CORO1A: variants seen among roughly 807,000 people sequenced by gnomAD.
CORO1A encodes coronin-1A.
In CORO1A, 17 loss-of-function variants were observed where a neutral mutation model predicts 44.1. The observed-to-expected ratio is 0.39, with a 90% CI of 0.26 to 0.58. CORO1A has a LOEUF of 0.58. CORO1A is among the 20% of genes least tolerant of loss of function. The pLI, the probability that CORO1A is intolerant of heterozygous loss-of-function variation, is 0.62. For synonymous variants in CORO1A, 271 were observed against 244.2 expected, an observed-to-expected ratio of 1.11 and a Z score of -1.02; for missense variants, 415 against 606.5, an observed-to-expected ratio of 0.68 and a Z score of 3.32.
At chr16:30,186,480 T>G in intron 2 of CORO1A, 118 bp from the exon 3 acceptor site, 2 of 1,015,230 alleles carry the variant, frequency 2.0e-6, no homozygotes, top group Non-Finnish European at 3.1e-6. Context: ...CCCCAGGCCC[T>G]GGTCCAGCTC....
chr16:30,187,744 TGTCCCTGCA>T lies in CORO1A; in HGVS notation c.778_786del (p.Ser260_Gln262del). 1 of 1,612,172 alleles carries T rather than the reference TGTCCCTGCA, an allele frequency of 6.2e-7. No homozygotes were observed. The highest frequency in any genetic ancestry group is 1.3e-5 in the African/African-American group (1 of 74,866). ...CTACAGAAGCACCTGGAGGAGCCGC[TGTCCCTGCA>T]GGAGCTGGACACCAGCAGCGGTGTC... is the stretch of plus-strand genomic sequence containing the variant. On this transcript the variant is annotated inframe_deletion, in exon 7 of 11. Transcript: ENST00000219150.
At position 30,186,830 on chromosome 16, in the gene CORO1A, A is replaced by T. The variant is rs1132812; in HGVS notation, c.336A>T (p.Pro112=). The change falls in exon 4 of 11, where the codon CCA becomes CCT. Residue 112 remains proline (P), a synonymous_variant. Transcript: ENST00000219150. The stretch of plus-strand genomic sequence containing the variant: ...CTCCTCTGCAGGTGTGGGAGATCCC[A>T]GATGGGGGCCTGATGCTGCCCCTGC... ...EDCTVMVWEI[P]DGGLMLPLRE... is the part of the protein sequence containing the mutation. 6.2e-7 allele frequency: 1 copy of T among 1,610,610 alleles called. No individual in the cohort carries two copies. Among genetic ancestry groups the T allele is most frequent in the East Asian group, 2.2e-5 (1 of 44,850 alleles).
In CORO1A at chr16:30,187,997, A is replaced by G. The variant is rs761372261; in HGVS notation, c.917A>G (p.Tyr306Cys). The G allele has an allele frequency of 1.2e-6, 2 of 1,613,968 alleles. No homozygotes were observed. Among genetic ancestry groups the G allele is most frequent in the Non-Finnish European group, 1.7e-6 (2 of 1,179,960 alleles). ...ACTTCCGAGGCCCCTTTCCTGCACT[A>G]TCTCTCCATGTTCAGTTCCAAGGAG... is the stretch of plus-strand genomic sequence containing the variant. ...EITSEAPFLH[Y>C]LSMFSSKESQ... Residue 306 changes from tyrosine (Y) to cysteine (C), a missense_variant, in exon 8 of 11, where the codon TAT (tyrosine) becomes TGT (cysteine). This residue lies in a region of CORO1A where 325 missense variants were observed against 521.7 expected (regional missense o/e 0.62). Transcript: ENST00000219150.
intron 8 of CORO1A, 35 bp from the exon 9 acceptor site, chr16:30,188,157 G>A: frequency 2.5e-6 from 4 of 1,613,732 alleles, no homozygotes; most frequent in Non-Finnish European, 2.5e-6. Context: ...CACCCAACCA[G>A]ACTGTGGGCC....
Position 30,187,600 on chromosome 16 carries a change from C to A in CORO1A, c.756+99C>A, listed in dbSNP as rs748364715. The A allele has an allele frequency of 9.3e-6, 14 of 1,513,152 alleles. No homozygotes were observed. In the African/African-American group the frequency reaches 1.2e-4, roughly 13 times the overall value. The allele number at this position is 1,513,152 out of a possible 1,614,324, so 93.7% of individuals were successfully genotyped here. A position where few individuals can be genotyped will look rare whatever the true frequency, so the allele number is the denominator to read the frequency against. On this transcript the variant is annotated intron_variant, in intron 6 of 10. Coordinates refer to ENST00000219150, the MANE Select transcript of CORO1A (RefSeq NM_007074.4). ...ACTCACCTGGCAGGATGGCCATGGG[C>A]CTCAGTTTACCCAGGCGTGAGATGG...
rs201734831 is a variant in CORO1A at position 30,188,441 on chromosome 16, T to C, written c.1146T>C (p.Gly382=). ...PALTAEEWLG[G]RDAGPLLISL... ...TCACGGCTGAGGAGTGGCTGGGGGG[T>C]CGGGATGCTGGGCCCCTCCTCATCT... The change falls in exon 10 of 11, where the codon GGT becomes GGC. Residue 382 remains glycine (G), a synonymous_variant. Coordinates refer to ENST00000219150, the MANE Select transcript of CORO1A (RefSeq NM_007074.4). 2,204 of 1,612,516 alleles carry C rather than the reference T, an allele frequency of 1.4e-3. 27 individuals are homozygous for C. In the South Asian group the frequency reaches 0.017, roughly 13 times the overall value.
At chr16:30,187,652 C>T in intron 6 of CORO1A, 73 bp from the exon 7 acceptor site, 1 of 1,466,276 alleles carries the variant, frequency 6.8e-7, no homozygotes, top group Non-Finnish European at 9.5e-7. Flanking sequence ...GTCGGGAGGG[C>T]CCTCACAGGT....
At position 30,186,895 on chromosome 16, in the gene CORO1A, T is replaced by C; in HGVS notation, c.401T>C (p.Val134Ala). 6.2e-7 allele frequency: 1 copy of C among 1,612,590 alleles called. No individual in the cohort carries two copies. The change falls in exon 4 of 11, where the codon GTG becomes GCG. Residue 134 changes from valine (V) to alanine (A), a missense_variant. Around this residue, in one of 2 missense-constraint regions of CORO1A, gnomAD observed 325 missense variants for 521.7 expected, o/e 0.62. Coordinates refer to ENST00000219150, the MANE Select transcript of CORO1A (RefSeq NM_007074.4). ...ACCCTGGAGGGCCACACCAAGCGTGTGGGCATTGTGGCCTGGCACACCACA... is the reference window on the plus strand; with the variant it reads ...ACCCTGGAGGGCCACACCAAGCGTGCGGGCATTGTGGCCTGGCACACCACA... ...VVTLEGHTKR[V>A]GIVAWHTTAQ...
intron 2 of CORO1A, 172 bp from the exon 3 acceptor site, chr16:30,186,426 T>G: frequency 3.7e-5 from 27 of 738,464 alleles, no homozygotes; most frequent in Middle Eastern, 3.8e-4. Context: ...GCCCAGGCCA[T>G]TTTGGGACTG....
At position 30,186,861 on chromosome 16, in the gene CORO1A, C is replaced by T. The variant is rs201721540; in HGVS notation, c.367C>T (p.Pro123Ser). 26 of 1,611,738 alleles carry T rather than the reference C, an allele frequency of 1.6e-5. 1 individual carries two copies. Among genetic ancestry groups the T allele is most frequent in the Non-Finnish European group, 2.2e-5 (26 of 1,180,000 alleles). ...GGGCCTGATGCTGCCCCTGCGGGAG[C>T]CCGTCGTCACCCTGGAGGGCCACAC... ...DGGLMLPLRE[P>S]VVTLEGHTKR... Residue 123 changes from proline (P) to serine (S), a missense_variant, in exon 4 of 11, where the codon CCC becomes TCC. Physicochemically the swap from Pro to Ser is moderately conservative, Grantham distance 74. Around this residue, in one of 2 missense-constraint regions of CORO1A, gnomAD observed 325 missense variants for 521.7 expected, o/e 0.62. Transcript: ENST00000219150.
intron 2 of CORO1A, 140 bp from the exon 3 acceptor site, chr16:30,186,458 C>T (rs1157139537): frequency 9.8e-7 from 1 of 1,019,612 alleles, no homozygotes; most frequent in Non-Finnish European, 1.5e-6. Flanking sequence ...GAACAACCCG[C>T]CCCCGTCCCC....
chr16:30,188,054 G>C lies in CORO1A; in HGVS notation c.974G>C (p.Arg325Pro). ...SQRGMGYMPKRGLEVNKCEIA... is the reference protein window; with the variant it reads ...SQRGMGYMPKPGLEVNKCEIA... ...CGGGGCATGGGCTACATGCCCAAACGTGGCCTGGAGGTGAACAAGTGTGAG... is the reference window on the plus strand; with the variant it reads ...CGGGGCATGGGCTACATGCCCAAACCTGGCCTGGAGGTGAACAAGTGTGAG... Residue 325 changes from arginine (R) to proline (P), a missense_variant, in exon 8 of 11, where the codon CGT becomes CCT. This residue lies in a region of CORO1A where 325 missense variants were observed against 521.7 expected (regional missense o/e 0.62). Transcript: ENST00000219150. The C allele has an allele frequency of 6.2e-7, 1 of 1,613,860 alleles. No homozygotes were observed. The highest frequency in any genetic ancestry group is 8.5e-7 in the Non-Finnish European group (1 of 1,180,014).
At chr16:30,186,483 T>C in intron 2 of CORO1A, 115 bp from the exon 3 acceptor site, 1 of 1,265,928 alleles carries the variant, frequency 7.9e-7, no homozygotes, top group Non-Finnish European at 1.1e-6. Context: ...CAGGCCCTGG[T>C]CCAGCTCCCA....
chr16:30,187,296 G>A, intron 5 of CORO1A, 73 bp downstream of exon 5: 1 of 1,604,940 alleles, frequency 6.2e-7, no homozygotes, highest in South Asian at 1.1e-5. Context: ...CCAGGCCCTT[G>A]GATGCTGCCC....
At position 30,183,813 on chromosome 16, in the gene CORO1A, C is replaced by A. The variant is rs1241975159; in HGVS notation, c.-2+88C>A. The stretch of plus-strand genomic sequence containing the variant: ...GCGTGGGAGCCGCGGGCTGCGGGGG[C>A]GCGCGGCTGTCACCGCGACCCAGCC... On this transcript the variant is annotated intron_variant, in intron 1 of 10. Transcript: ENST00000219150. The surrounding 1 kb of genome is among the most constrained non-coding windows in gnomAD (Gnocchi z 5.0). 1 of 151,398 alleles carries A rather than the reference C, an allele frequency of 6.6e-6. No individual in the cohort carries two copies. Among genetic ancestry groups the A allele is most frequent in the Non-Finnish European group, 1.5e-5 (1 of 67,828 alleles). 9.4% of individuals were successfully genotyped at this position (151,398 alleles called of 1,614,324 possible).
rs2073315424 is a variant in CORO1A at position 30,184,810 on chromosome 16, C to G, written c.-1-399C>G. 2 of 332,092 alleles carry G rather than the reference C, an allele frequency of 6.0e-6. No individual in the cohort carries two copies. The highest frequency in any genetic ancestry group is 4.3e-5 in the Admixed American group (1 of 23,100). The allele number at this position is 332,092 out of a possible 1,614,324, so 20.6% of individuals were successfully genotyped here. On this transcript the variant is annotated intron_variant, in intron 1 of 10. Coordinates refer to ENST00000219150, the MANE Select transcript of CORO1A (RefSeq NM_007074.4). The surrounding 1 kb of genome is among the most constrained non-coding windows in gnomAD (Gnocchi z 4.3). The stretch of plus-strand genomic sequence containing the variant: ...GTGTGAGGGAGGTGGGCTCTGGACA[C>G]GGTAACTAAGAGAGAACCCACCCTC...
intron 1 of CORO1A, 42 bp from the exon 2 acceptor site, chr16:30,185,167 T>G (rs1219626039): frequency 5.0e-6 from 8 of 1,601,238 alleles, no homozygotes; most frequent in African/African-American, 1.3e-5. Context: ...AAGATCAGAG[T>G]TGACCTGAAG....
At position 30,188,873 on chromosome 16, in the gene CORO1A, G is replaced by A. The variant is rs1383904652; in HGVS notation, c.1295G>A (p.Arg432Gln). ...SGTPSSDAVS[R>Q]LEEEMRKLQA... is the part of the protein sequence containing the mutation. Reference sequence around the variant, plus strand: ...CCGGGTCCCCAGGATGCCGTGTCTCGGCTGGAGGAGGAGATGCGGAAGCTC... The same window carrying A: ...CCGGGTCCCCAGGATGCCGTGTCTCAGCTGGAGGAGGAGATGCGGAAGCTC... Residue 432 changes from arginine (R) to glutamine (Q), a missense_variant, in exon 11 of 11, where the codon CGG becomes CAG. Transcript: ENST00000219150. 51 of 370,226 alleles carry A rather than the reference G, an allele frequency of 1.4e-4. 2 individuals are homozygous for A. The highest frequency in any genetic ancestry group is 1.1e-3 in the South Asian group (48 of 44,600). 22.9% of individuals were successfully genotyped at this position (370,226 alleles called of 1,614,324 possible). A position where few individuals can be genotyped will look rare whatever the true frequency, so the allele number is the denominator to read the frequency against.
intron 2 of CORO1A, chr16:30,185,825 G>C (rs753205517): frequency 2.3e-5 from 6 of 260,604 alleles, no homozygotes; most frequent in African/African-American, 4.4e-5. Context: ...CGCAGGCAGG[G>C]ATGATGCAAG....
Sources: gnomAD v4.1 joint callset for allele counts on GRCh38, gnomAD v4.1.1 for gene constraint, gnomAD v4.1.1 regional missense constraint, Gnocchi (gnomAD v3.1) non-coding constraint, MANE v1.5 for transcripts, NCBI Gene and HGNC (gene_info 2026-07-23, HGNC 2026-07-21) for gene names.